KATNIP: variants seen among roughly 807,000 people sequenced by gnomAD.
The protein encoded by KATNIP is katanin-interacting protein.
Under a neutral mutation model 174.0 loss-of-function variants are expected in KATNIP, and 126 were observed. The observed-to-expected ratio is 0.72, with a 90% CI of 0.63 to 0.84. The LOEUF (loss-of-function observed/expected upper bound fraction) is 0.84, where lower values mean the gene tolerates loss of function less well. Among genes scored for constraint, KATNIP ranks in the 40% least tolerant of loss-of-function variants. The pLI is 0.00. For missense variants in KATNIP, 1,958 were observed against 2,109.7 expected, an observed-to-expected ratio of 0.93 and a Z score of 1.41; for synonymous variants, 810 against 835.7, an observed-to-expected ratio of 0.97 and a Z score of 0.53.
chr16:27,581,856 T>G (rs371649188), intron 2 of KATNIP, among the ~76,000 whole-genome samples: 3 of 152,208 alleles, frequency 2.0e-5, no homozygotes, highest in Admixed American at 2.0e-4. Context: ...GGTTTTCTAT[T>G]CCTGAGTTAC....
chr16:27,648,489 C>G, intron 5 of KATNIP, 115 bp from the exon 6 acceptor site: 1 of 1,256,492 alleles, frequency 8.0e-7, no homozygotes. Context: ...GCACACCACC[C>G]CATGGTATCT....
chr16:27,583,320 C>T (rs1430665840), intron 2 of KATNIP, among the ~76,000 whole-genome samples: 17 of 152,164 alleles, frequency 1.1e-4, no homozygotes, highest in Admixed American at 1.1e-3. Context: ...CAACAGAGCA[C>T]CATCAAAGTG....
At chr16:27,662,049 CATATAT>C (rs750894792) in intron 6 of KATNIP, among the ~76,000 whole-genome samples, 2 of 8,622 alleles carry the variant, frequency 2.3e-4, no homozygotes, top group African/African-American at 1.5e-3. Context: ...TATACACATA[CATATAT>C]ATATATATAT....
At chr16:27,654,681 AC>A in intron 6 of KATNIP, 1 of 1,351,922 alleles carries the variant, frequency 7.4e-7, no homozygotes, top group Non-Finnish European at 9.8e-7. Context: ...GGACATTCTG[AC>A]CCTTCAAGCA....
rs533768769 is a variant in KATNIP at position 27,712,923 on chromosome 16, A to G, written c.1605+4003A>G. ...TGGGCTCAAGCCACCCCCCAACCTC[A>G]GCCTCTCAAGAAGCTGGAACTACAG... On this transcript the variant is annotated intron_variant, in intron 13 of 27. Transcript: ENST00000261588. Among the ~76,000 whole-genome samples, 60 of 152,236 alleles carry G rather than the reference A, an allele frequency of 3.9e-4. No homozygotes were observed. The South Asian group carries it at 0.011, about 28-fold the overall frequency.
At chr16:27,728,693 G>T (rs1211704927) in intron 14 of KATNIP, among the ~76,000 whole-genome samples, 1 of 152,230 alleles carries the variant, frequency 6.6e-6, no homozygotes, top group Non-Finnish European at 1.5e-5. Flanking sequence ...GCCTCCCAAA[G>T]TGCTGGGATT....
chr16:27,582,313 G>A (rs2090730135), intron 2 of KATNIP, among the ~76,000 whole-genome samples: 2 of 152,182 alleles, frequency 1.3e-5, no homozygotes. Flanking sequence ...AGGCAAGTTG[G>A]TGGTGTTGCA....
chr16:27,601,797 C>G lies in KATNIP; in HGVS notation c.64-16628C>G, dbSNP rs574821881. Among the ~76,000 whole-genome samples, 3 of 152,306 alleles carry G rather than the reference C, an allele frequency of 2.0e-5. No homozygotes were observed. The South Asian group carries it at 6.2e-4, about 32-fold the overall frequency. On this transcript the variant is annotated intron_variant, in intron 2 of 27. Coordinates refer to ENST00000261588, the MANE Select transcript of KATNIP (RefSeq NM_015202.5). Reference sequence around the variant, plus strand: ...GTAGGATCAATAGGAAGGGAGTGCCCTCCCCTCTTCAGGGGGCCGGCAGCA... The same window carrying G: ...GTAGGATCAATAGGAAGGGAGTGCCGTCCCCTCTTCAGGGGGCCGGCAGCA...
chr16:27,552,636 A>G (rs2089434104), intron 1 of KATNIP, among the ~76,000 whole-genome samples: 1 of 150,592 alleles, frequency 6.6e-6, no homozygotes, highest in South Asian at 2.1e-4. Flanking sequence ...CCATTTCCCA[A>G]AGTGCTGGGA....
At position 27,628,817 on chromosome 16, in the gene KATNIP, G is replaced by A. The variant is rs142387593; in HGVS notation, c.297G>A (p.Thr99=). 22 of 1,613,980 alleles carry A rather than the reference G, an allele frequency of 1.4e-5. No homozygotes were observed. Among genetic ancestry groups the A allele is most frequent in the Middle Eastern group, 3.3e-4 (2 of 6,084 alleles). ...ACTTCTCCAGAAGTGCCTCCCACAC[G>A]GAGGGGACACACGGTGAGCACAGGC... ...HSDFSRSASH[T]EGTHDYGRRT... The change falls in exon 4 of 28, where the codon ACG becomes ACA. Residue 99 remains threonine (T), a synonymous_variant. Coordinates refer to ENST00000261588, the MANE Select transcript of KATNIP (RefSeq NM_015202.5).
At chr16:27,701,746 G>C in intron 11 of KATNIP, 51 bp downstream of exon 11, 2 of 1,250,286 alleles carry the variant, frequency 1.6e-6, no homozygotes, top group Non-Finnish European at 2.3e-6. Flanking sequence ...GTGCAGCCAT[G>C]GGGATCTTCT....
intron 15 of KATNIP, among the ~76,000 whole-genome samples, chr16:27,748,017 G>A (rs1442871931): frequency 1.3e-5 from 2 of 152,192 alleles, no homozygotes; most frequent in Non-Finnish European, 2.9e-5. Flanking sequence ...ACAGGGCACA[G>A]TGCGATATGA....
Position 27,778,925 on chromosome 16 carries a change from T to G in KATNIP, c.*296T>G. On this transcript the variant is annotated 3_prime_UTR_variant, in exon 28 of 28. Transcript: ENST00000261588. Reference sequence around the variant, plus strand: ...CCAGCAAAGCAGGGCCCATGACCACTAGGGCCTGGGCTGACCCTGACTCAG... The same window carrying G: ...CCAGCAAAGCAGGGCCCATGACCACGAGGGCCTGGGCTGACCCTGACTCAG... The G allele has an allele frequency of 5.5e-6, 2 of 365,142 alleles. No homozygotes were observed. Among genetic ancestry groups the G allele is most frequent in the Non-Finnish European group, 4.9e-6 (1 of 203,198 alleles). 22.6% of individuals were successfully genotyped at this position (365,142 alleles called of 1,614,324 possible).
chr16:27,695,791 G>GA (rs544945927), intron 8 of KATNIP, among the ~76,000 whole-genome samples: 68 of 152,048 alleles, frequency 4.5e-4, no homozygotes, highest in African/African-American at 1.6e-3. Flanking sequence ...GTTTTAATAT[G>GA]AAAAAAATCC....
intron 3 of KATNIP, among the ~76,000 whole-genome samples, chr16:27,626,281 T>C (rs1487079935): frequency 6.6e-6 from 1 of 151,432 alleles, no homozygotes; most frequent in Non-Finnish European, 1.5e-5. Flanking sequence ...CAGCTTCCAC[T>C]TCTCTGGTGT....
chr16:27,701,745 TG>T, intron 11 of KATNIP, 50 bp downstream of exon 11: 1 of 1,255,516 alleles, frequency 8.0e-7, no homozygotes. Flanking sequence ...AGTGCAGCCA[TG>T]GGGATCTTCT....
chr16:27,552,947 G>T (rs930676225), intron 1 of KATNIP, among the ~76,000 whole-genome samples: 5 of 151,488 alleles, frequency 3.3e-5, no homozygotes, highest in African/African-American at 1.2e-4. Context: ...GCCCGCCTTG[G>T]CCTCCCAAAG....
intron 2 of KATNIP, among the ~76,000 whole-genome samples, chr16:27,608,295 A>G (rs1193021718): frequency 1.4e-5 from 2 of 146,982 alleles, no homozygotes; most frequent in East Asian, 4.0e-4. Context: ...CACTGGTGCA[A>G]TCATAGCTCA....
intron 2 of KATNIP, among the ~76,000 whole-genome samples, chr16:27,595,988 CAG>C (rs1450925527): frequency 6.6e-6 from 1 of 152,062 alleles, no homozygotes; most frequent in Non-Finnish European, 1.5e-5. Context: ...GAGAGGAGGA[CAG>C]AGGGGTCAAG....
Sources: gnomAD v4.1 joint callset for allele counts (sites outside exome capture counted in the v4.1 genomes callset) on GRCh38, gnomAD v4.1.1 for gene constraint, MANE v1.5 for transcripts, NCBI Gene and HGNC (gene_info 2026-07-23, HGNC 2026-07-21) for gene names.